WNK1: variants seen among roughly 807,000 people sequenced by gnomAD.
WNK1 encodes serine/threonine-protein kinase WNK1.
Under a neutral mutation model 222.8 loss-of-function variants are expected in WNK1, and 38 were observed. The observed-to-expected ratio is 0.17, with a 90% CI of 0.13 to 0.22. WNK1 has a LOEUF of 0.22. Ranked by LOEUF, WNK1 falls within the 10% of genes least tolerant of loss-of-function variation. The pLI is 1.00. For missense variants in WNK1, 2,348 were observed against 2,918.4 expected (o/e 0.80, Z 4.50); for synonymous variants, 1,090 against 1,092.9 (o/e 1.00, Z 0.05).
intron 4 of WNK1, among the ~76,000 whole-genome samples, chr12:850,405 T>C (rs1332821213): frequency 1.3e-5 from 2 of 152,260 alleles, no homozygotes; most frequent in Admixed American, 1.3e-4. Context: ...GCCCACTTTT[T>C]GATGGGGTTG....
chr12:879,513 C>CTTTTTTTTTTTTTTTTTTTTTTTTTCTTT, intron 10 of WNK1, 60 bp from the exon 11 acceptor site: 5 of 403,026 alleles, frequency 1.2e-5, no homozygotes, highest in East Asian at 5.7e-5. Context: ...GGCAGCCTTG[C>CTTTTTTTTTTTTTTTTTTTTTTTTTCTTT]TTTTTTTTTT....
chr12:790,033 C>G (rs1944688405), intron 1 of WNK1, among the ~76,000 whole-genome samples: 1 of 152,084 alleles, frequency 6.6e-6, no homozygotes, highest in Non-Finnish European at 1.5e-5. Flanking sequence ...ATGGGGCTTG[C>G]TTTTCCTCTA....
chr12:821,732 G>A (rs1947897401), intron 2 of WNK1, among the ~76,000 whole-genome samples: 1 of 152,150 alleles, frequency 6.6e-6, no homozygotes, highest in Non-Finnish European at 1.5e-5. Context: ...ATTGTTTGAT[G>A]TATATAATTG....
At chr12:805,174 T>C (rs1946261843) in intron 1 of WNK1, among the ~76,000 whole-genome samples, 1 of 152,134 alleles carries the variant, frequency 6.6e-6, no homozygotes, top group African/African-American at 2.4e-5. Context: ...ATGGTAATTC[T>C]GTGTTCAACT....
At chr12:890,422 T>G (rs1352106976) in intron 21 of WNK1, 31 bp from the exon 22 acceptor site, 3 of 1,614,002 alleles carry the variant, frequency 1.9e-6, no homozygotes. Context: ...AAGCTAAAGA[T>G]TTGTGGTGTC....
intron 2 of WNK1, among the ~76,000 whole-genome samples, chr12:814,227 G>A (rs1202008204): frequency 6.6e-6 from 1 of 151,476 alleles, no homozygotes. Context: ...TACTTGGGAG[G>A]CTGAGGCAGG....
chr12:868,644 C>T (rs906965970), intron 8 of WNK1: 6 of 1,613,906 alleles, frequency 3.7e-6, no homozygotes, highest in Non-Finnish European at 4.2e-6. Context: ...CATGTTCACA[C>T]ACCAAGCTCC....
intron 1 of WNK1, among the ~76,000 whole-genome samples, chr12:801,420 T>C (rs374684262): frequency 0.051 from 6,788 of 131,942 alleles, 470 homozygotes; most frequent in African/African-American, 0.16. Context: ...AACCTTTTTT[T>C]CTTTGTGTGT....
At chr12:796,969 T>A (rs995217323) in intron 1 of WNK1, among the ~76,000 whole-genome samples, 1 of 152,040 alleles carries the variant, frequency 6.6e-6, no homozygotes, top group Non-Finnish European at 1.5e-5. Flanking sequence ...CTTATTGTTA[T>A]GTGAAGTTCT....
chr12:883,887 GGGT>G, intron 17 of WNK1, 56 bp downstream of exon 17: 5 of 1,598,274 alleles, frequency 3.1e-6, no homozygotes, highest in Non-Finnish European at 4.3e-6. Context: ...CATTAGCCGA[GGGT>G]GGTGGCAGGC....
intron 26 of WNK1, among the ~76,000 whole-genome samples, chr12:905,531 T>C (rs974845572): frequency 6.6e-6 from 1 of 152,202 alleles, no homozygotes; most frequent in African/African-American, 2.4e-5. Context: ...TTCTTGTATT[T>C]AGCTTTTGAC....
chr12:820,365 G>A (rs1176657291), intron 2 of WNK1, among the ~76,000 whole-genome samples: 1 of 151,248 alleles, frequency 6.6e-6, no homozygotes, highest in Non-Finnish European at 1.5e-5. Context: ...TTAATTGCTG[G>A]TATATATAAA....
chr12:835,569 A>T (rs994661143), intron 4 of WNK1, among the ~76,000 whole-genome samples: 19 of 152,200 alleles, frequency 1.2e-4, no homozygotes, highest in African/African-American at 4.6e-4. Context: ...CAAGCACTAT[A>T]CTAGGTATTG....
chr12:816,967 A>G (rs1019488431), intron 2 of WNK1, among the ~76,000 whole-genome samples: 2 of 152,214 alleles, frequency 1.3e-5, no homozygotes, highest in Non-Finnish European at 2.9e-5. Context: ...ATTGAAGGAA[A>G]AAGACACCAA....
At chr12:773,040 C>T (rs1942716385) in intron 1 of WNK1, among the ~76,000 whole-genome samples, 1 of 152,130 alleles carries the variant, frequency 6.6e-6, no homozygotes, top group Non-Finnish European at 1.5e-5. Flanking sequence ...GGGCAGATCA[C>T]CTGAGGTCAG....
intron 26 of WNK1, 91 bp downstream of exon 26, chr12:900,761 A>G: frequency 6.8e-7 from 1 of 1,465,494 alleles, no homozygotes; most frequent in Non-Finnish European, 9.5e-7. Context: ...TTGGGAGACT[A>G]GCTGACCAGA....
chr12:770,835 T>C (rs1942387866), intron 1 of WNK1, among the ~76,000 whole-genome samples: 1 of 152,206 alleles, frequency 6.6e-6, no homozygotes, highest in Non-Finnish European at 1.5e-5. Flanking sequence ...AAATGGCATT[T>C]CTTTATGGCT....
chr12:776,060 A>T (rs541816893), intron 1 of WNK1, among the ~76,000 whole-genome samples: 33 of 152,296 alleles, frequency 2.2e-4, no homozygotes, highest in African/African-American at 7.9e-4. Context: ...TAAAGACAGG[A>T]TCTCATTCTG....
chr12:890,640 C>G (rs1954134605), intron 22 of WNK1, 127 bp downstream of exon 22: 1 of 973,498 alleles, frequency 1.0e-6, no homozygotes, highest in African/African-American at 1.6e-5. Flanking sequence ...GTAGTAATAT[C>G]TAAAGCTTGA....
Sources: allele counts gnomAD v4.1 joint callset (sites outside exome capture counted in the v4.1 genomes callset), GRCh38; gene constraint gnomAD v4.1.1; transcripts MANE v1.5; gene names NCBI Gene and HGNC (gene_info 2026-07-23, HGNC 2026-07-21).